PIAS1: variants seen among roughly 807,000 people sequenced by gnomAD.
PIAS1 encodes the protein protein inhibitor of activated STAT 1.
In PIAS1, 6 loss-of-function variants were observed where a neutral mutation model predicts 71.3. The ratio of observed to expected loss-of-function variants is 0.08; its 90% confidence interval spans 0.05 to 0.17. PIAS1 has a LOEUF of 0.17. Ranked by LOEUF, PIAS1 falls within the 10% of genes least tolerant of loss-of-function variation. PIAS1 has a pLI of 1.00. For missense variants in PIAS1, 555 were observed against 793.6 expected, an observed-to-expected ratio of 0.70 and a Z score of 3.61; for synonymous variants, 303 against 292.9, an observed-to-expected ratio of 1.03 and a Z score of -0.35.
rs897651930 is a variant in PIAS1 at position 68,190,745 on chromosome 15, A to G, written c.*2910A>G. 3.3e-5 allele frequency: 5 copies of G among 151,928 alleles called. No individual in the cohort carries two copies. Among genetic ancestry groups the G allele is most frequent in the African/African-American group, 1.2e-4 (5 of 41,360 alleles). The allele number at this position is 151,928 out of a possible 1,614,324, so 9.4% of individuals were successfully genotyped here. A position where few individuals can be genotyped will look rare whatever the true frequency, so the allele number is the denominator to read the frequency against. On this transcript the variant is annotated 3_prime_UTR_variant, in exon 14 of 14. Transcript: ENST00000249636. This position sits in a 1 kb window ranked among gnomAD's most constrained non-coding sequence, Gnocchi z 4.7. ...GGCTTTTAATTACTTCGTGAGTGTTATTGGATACATCTTAAAAAAAAAAAA... is the reference window on the plus strand; with the variant it reads ...GGCTTTTAATTACTTCGTGAGTGTTGTTGGATACATCTTAAAAAAAAAAAA...
chr15:68,106,351 C>CAAAA (rs11313083), intron 2 of PIAS1, among the ~76,000 whole-genome samples: 5 of 92,850 alleles, frequency 5.4e-5, no homozygotes, highest in African/African-American at 7.9e-5. Flanking sequence ...ATGACCTTTG[C>CAAAA]AAAAAAAAAA....
chr15:68,181,146 C>CT lies in PIAS1; in HGVS notation c.1482-59dup, dbSNP rs530942928. ...GAGGGTTCATTGTGAGATACAACCCCTTTTTTTGTTAACCTTGAGAGTTTA... is the reference window on the plus strand; with the variant it reads ...GAGGGTTCATTGTGAGATACAACCCCTTTTTTTTGTTAACCTTGAGAGTTTA... On this transcript the variant is annotated intron_variant, in intron 11 of 13. Transcript: ENST00000249636. 83 of 1,467,982 alleles carry CT rather than the reference C, an allele frequency of 5.7e-5. No homozygotes were observed. In the East Asian group the frequency reaches 7.0e-4, roughly 12 times the overall value. The allele number at this position is 1,467,982 out of a possible 1,614,324, so 90.9% of individuals were successfully genotyped here. A position where few individuals can be genotyped will look rare whatever the true frequency, so the allele number is the denominator to read the frequency against.
chr15:68,088,116 CT>C (rs1381485976), intron 2 of PIAS1, among the ~76,000 whole-genome samples: 3 of 140,442 alleles, frequency 2.1e-5, no homozygotes, highest in Non-Finnish European at 4.5e-5. Context: ...TATAACTTCC[CT>C]TTTTTCCCCT....
chr15:68,059,027 C>T (rs1224862740), intron 1 of PIAS1, among the ~76,000 whole-genome samples: 2 of 114,038 alleles, frequency 1.8e-5, no homozygotes, highest in African/African-American at 7.0e-5. Flanking sequence ...TTTTTTGAGA[C>T]GGAGTCTTCC....
intron 2 of PIAS1, among the ~76,000 whole-genome samples, chr15:68,091,338 G>A (rs151259615): frequency 6.6e-6 from 1 of 151,946 alleles, no homozygotes; most frequent in Admixed American, 6.6e-5. Context: ...GTTTAAATTG[G>A]CTTTGTTAGA....
chr15:68,141,787 A>G (rs2092771748), intron 2 of PIAS1, among the ~76,000 whole-genome samples, 159 bp from the exon 3 acceptor site: 1 of 151,452 alleles, frequency 6.6e-6, no homozygotes, highest in Admixed American at 6.6e-5. Context: ...GTTATGTTAC[A>G]ATTAGTGTAT....
At chr15:68,120,250 T>C (rs2092602323) in intron 2 of PIAS1, among the ~76,000 whole-genome samples, 1 of 152,204 alleles carries the variant, frequency 6.6e-6, no homozygotes, top group African/African-American at 2.4e-5. Flanking sequence ...GTCTTTTTTT[T>C]TTTAACTCTC....
At chr15:68,127,871 T>G (rs2092662368) in intron 2 of PIAS1, among the ~76,000 whole-genome samples, 1 of 152,198 alleles carries the variant, frequency 6.6e-6, no homozygotes, top group Non-Finnish European at 1.5e-5. Flanking sequence ...CAAGCAATTC[T>G]CCTGCTTCAG....
rs758262959 is a variant in PIAS1 at position 68,078,017 on chromosome 15, CTCTTG to C, written c.25-8284_25-8280del. Reference sequence around the variant, plus strand: ...TCAGATAGGGTATACTGTTCATTGTCTCTTGTCTTATCTGAAACTTAGATCATCTA... The same window carrying C: ...TCAGATAGGGTATACTGTTCATTGTCTCTTATCTGAAACTTAGATCATCTA... On this transcript the variant is annotated intron_variant, in intron 1 of 13. Coordinates refer to ENST00000249636, the MANE Select transcript of PIAS1 (RefSeq NM_016166.3). 5.9e-5 allele frequency among the ~76,000 whole-genome samples: 9 copies of C among 152,290 alleles called. No homozygotes were observed. In the East Asian group the frequency reaches 9.6e-4, roughly 16 times the overall value.
chr15:68,070,868 A>T (rs62002452), intron 1 of PIAS1, among the ~76,000 whole-genome samples: 6,000 of 151,950 alleles, frequency 0.039, 139 homozygotes, highest in African/African-American at 0.056. Context: ...TGATTGTCCT[A>T]CCTCAGCCTC....
intron 2 of PIAS1, among the ~76,000 whole-genome samples, chr15:68,095,823 G>A (rs1008259392): frequency 1.3e-5 from 2 of 152,118 alleles, no homozygotes; most frequent in African/African-American, 2.4e-5. Context: ...GAGCCACCAC[G>A]CCTGGCCCAT....
chr15:68,164,923 A>C (rs1296408708), intron 8 of PIAS1, 119 bp downstream of exon 8: 8 of 591,352 alleles, frequency 1.4e-5, no homozygotes, highest in Non-Finnish European at 2.4e-5. Flanking sequence ...CCATTGTTAC[A>C]GTTTATGAAA....
intron 2 of PIAS1, among the ~76,000 whole-genome samples, chr15:68,096,056 C>T (rs1199949830): frequency 6.6e-6 from 1 of 152,084 alleles, no homozygotes; most frequent in African/African-American, 2.4e-5. Context: ...AAATAAAAAG[C>T]CTGAATTGTT....
At chr15:68,125,655 A>G (rs930340558) in intron 2 of PIAS1, among the ~76,000 whole-genome samples, 1 of 152,078 alleles carries the variant, frequency 6.6e-6, no homozygotes, top group African/African-American at 2.4e-5. Context: ...ATTGCCTTCT[A>G]ATTATAGTGT....
At chr15:68,055,927 G>A in intron 1 of PIAS1, 1 of 700,918 alleles carries the variant, frequency 1.4e-6, no homozygotes, top group Non-Finnish European at 2.6e-6. Context: ...TTGGCTTTGA[G>A]TGTCATTCTT....
chr15:68,117,894 G>A (rs1205843823), intron 2 of PIAS1, among the ~76,000 whole-genome samples: 1 of 152,110 alleles, frequency 6.6e-6, no homozygotes, highest in Non-Finnish European at 1.5e-5. Context: ...AGATCATATG[G>A]TAGTTCTATT....
At chr15:68,094,105 A>G (rs1447800298) in intron 2 of PIAS1, among the ~76,000 whole-genome samples, 1 of 151,788 alleles carries the variant, frequency 6.6e-6, no homozygotes, top group Non-Finnish European at 1.5e-5. Flanking sequence ...CTTTTCCATT[A>G]AACACCAAGA....
chr15:68,160,874 T>G (rs548498501), intron 7 of PIAS1, among the ~76,000 whole-genome samples: 11 of 152,296 alleles, frequency 7.2e-5, no homozygotes, highest in South Asian at 4.1e-4. Context: ...AAAACTTGAA[T>G]GCTTCACTCC....
chr15:68,130,952 T>C (rs1451185904), intron 2 of PIAS1, among the ~76,000 whole-genome samples: 4 of 152,174 alleles, frequency 2.6e-5, no homozygotes, highest in Non-Finnish European at 2.9e-5. Flanking sequence ...GGTTTTATAT[T>C]TTTATTTAGT....
Sources: allele counts gnomAD v4.1 joint callset (sites outside exome capture counted in the v4.1 genomes callset), GRCh38; gene constraint gnomAD v4.1.1; non-coding constraint Gnocchi (gnomAD v3.1); transcripts MANE v1.5; gene names NCBI Gene and HGNC (gene_info 2026-07-23, HGNC 2026-07-21).